BPNT1: variants seen among roughly 807,000 people sequenced by gnomAD.
BPNT1 encodes the protein 3'(2'),5'-bisphosphate nucleotidase 1.
In BPNT1, 28 loss-of-function variants were observed where a neutral mutation model predicts 36.9. That is an observed-to-expected ratio of 0.76 (90% CI 0.56 to 1.04). BPNT1 has a LOEUF of 1.04. Ranked by LOEUF, BPNT1 falls within the 50% of genes least tolerant of loss-of-function variation. The pLI, the probability that BPNT1 is intolerant of heterozygous loss-of-function variation, is 0.00. For missense variants in BPNT1, 313 were observed against 372.9 expected (o/e 0.84, Z 1.32); for synonymous variants, 119 against 130.9 (o/e 0.91, Z 0.62).
intron 1 of BPNT1, among the ~76,000 whole-genome samples, chr1:220,081,115 T>G (rs1439055081): frequency 1.3e-5 from 2 of 152,174 alleles, no homozygotes; most frequent in Non-Finnish European, 2.9e-5. Context: ...ATTTTTATTT[T>G]TAGTGGACAC....
rs1194244965 is a variant in BPNT1 at position 220,057,956 on chromosome 1, T to C, written c.*888A>G. 1.1e-6 allele frequency: 1 copy of C among 883,352 alleles called. No individual in the cohort carries two copies. Among genetic ancestry groups the C allele is most frequent in the Admixed American group, 3.0e-5 (1 of 33,136 alleles). 54.7% of individuals were successfully genotyped at this position (883,352 alleles called of 1,614,324 possible). A position where few individuals can be genotyped will look rare whatever the true frequency, so the allele number is the denominator to read the frequency against. On this transcript the variant is annotated 3_prime_UTR_variant, in exon 9 of 9. Transcript: ENST00000322067. ...ACTTTGGGAGTCCGAGGCAGACAGA[T>C]CACGATGTCAGGAGATCAAGACCAT... is the stretch of plus-strand genomic sequence containing the variant.
rs566087066 is a variant in BPNT1, at chr1:220,061,929, T to C, written c.672+828A>G. Reference sequence around the variant, plus strand: ...TGGGCAGGCAGGCCAGATCTTAGAGTCTGTAGAAGGGCTAGGAAATAATCT... The same window carrying C: ...TGGGCAGGCAGGCCAGATCTTAGAGCCTGTAGAAGGGCTAGGAAATAATCT... On this transcript the variant is annotated intron_variant, in intron 7 of 8. Transcript: ENST00000322067. Among the ~76,000 whole-genome samples the C allele has an allele frequency of 5.3e-5, 8 of 151,694 alleles. No homozygotes were observed. In the South Asian group the frequency reaches 1.5e-3, roughly 28 times the overall value.
rs537835005 is a variant in BPNT1 at position 220,064,221 on chromosome 1, G to A, written c.475-1267C>T. The stretch of plus-strand genomic sequence containing the variant: ...GATTGGCTCATCTGTCTTCAAAGAT[G>A]ATATTCTTAAACACTAAATTAGACT... On this transcript the variant is annotated intron_variant, in intron 6 of 8. Transcript: ENST00000322067. 5.9e-5 allele frequency among the ~76,000 whole-genome samples: 9 copies of A among 152,330 alleles called. No individual in the cohort carries two copies. In the East Asian group the frequency reaches 9.6e-4, roughly 16 times the overall value.
chr1:220,065,131 T>C (rs1000385622), intron 6 of BPNT1, among the ~76,000 whole-genome samples: 2 of 152,158 alleles, frequency 1.3e-5, no homozygotes, highest in Admixed American at 1.3e-4. Context: ...ATTAATGCAG[T>C]TCTCCAGTTA....
intron 1 of BPNT1, among the ~76,000 whole-genome samples, chr1:220,087,660 T>C (rs1291045930): frequency 6.6e-6 from 1 of 152,106 alleles, no homozygotes; most frequent in Non-Finnish European, 1.5e-5. Flanking sequence ...GAAAAAAATA[T>C]TGTATCACAT....
intron 2 of BPNT1, among the ~76,000 whole-genome samples, chr1:220,078,678 A>C (rs1048123710): frequency 6.6e-6 from 1 of 150,662 alleles, no homozygotes. Context: ...GCTCACTGCA[A>C]CCTCGCTCTC....
chr1:220,069,284 T>G, intron 5 of BPNT1, 100 bp downstream of exon 5: 1 of 907,386 alleles, frequency 1.1e-6, no homozygotes, highest in East Asian at 2.7e-5. Context: ...TAACACATGA[T>G]AGTAGCTTTC....
intron 3 of BPNT1, 85 bp downstream of exon 3, chr1:220,073,882 T>G: frequency 9.1e-7 from 1 of 1,101,028 alleles, no homozygotes. Context: ...AAAATCATAA[T>G]AGTGGTATAT....
At chr1:220,060,751 T>C (rs889849339) in intron 7 of BPNT1, among the ~76,000 whole-genome samples, 1 of 152,160 alleles carries the variant, frequency 6.6e-6, no homozygotes, top group Non-Finnish European at 1.5e-5. Flanking sequence ...CAGGAAGTCC[T>C]GAGAACATGT....
chr1:220,065,931 T>C (rs935634328), intron 6 of BPNT1: 5 of 486,876 alleles, frequency 1.0e-5, no homozygotes, highest in Non-Finnish European at 1.4e-5. Flanking sequence ...AGGGAAGTGG[T>C]ACAGAGAGAG....
Position 220,057,932 on chromosome 1 carries a change from C to A in BPNT1, c.*912G>T. On this transcript the variant is annotated 3_prime_UTR_variant, in exon 9 of 9. Transcript: ENST00000322067. ...GTGGCTCACACCTGTAATCCCAGCA[C>A]TTTGGGAGTCCGAGGCAGACAGATC... 8.9e-7 allele frequency: 1 copy of A among 1,122,858 alleles called. No individual in the cohort carries two copies. Among genetic ancestry groups the A allele is most frequent in the Non-Finnish European group, 1.2e-6 (1 of 833,286 alleles). 69.6% of individuals were successfully genotyped at this position (1,122,858 alleles called of 1,614,324 possible).
intron 6 of BPNT1, 149 bp downstream of exon 6, chr1:220,067,148 ATAAAT>A (rs910378790): frequency 1.2e-4 from 27 of 226,562 alleles, no homozygotes; most frequent in Non-Finnish European, 1.9e-4. Context: ...TTAAAAATAA[ATAAAT>A]AAATAAATAA....
chr1:220,059,866 A>G lies in BPNT1; in HGVS notation c.673-75T>C. 2.6e-6 allele frequency: 3 copies of G among 1,150,390 alleles called. No homozygotes were observed. In the East Asian group the frequency reaches 7.5e-5, roughly 29 times the overall value. The allele number at this position is 1,150,390 out of a possible 1,614,324, so 71.3% of individuals were successfully genotyped here. On this transcript the variant is annotated intron_variant, in intron 7 of 8. Coordinates refer to ENST00000322067, the MANE Select transcript of BPNT1 (RefSeq NM_006085.6). ...GAAAGTCATGAAAAGATTGAGGTAC[A>G]GATAAGAAAAACTGCTTGTTTCTAT...
At chr1:220,081,083 C>T (rs978320309) in intron 1 of BPNT1, among the ~76,000 whole-genome samples, 5 of 152,182 alleles carry the variant, frequency 3.3e-5, no homozygotes, top group African/African-American at 1.2e-4. Context: ...GGATTACAGG[C>T]GCCCACCACC....
intron 2 of BPNT1, among the ~76,000 whole-genome samples, chr1:220,079,224 G>T (rs1175312272): frequency 6.6e-6 from 1 of 151,930 alleles, no homozygotes. Flanking sequence ...TATAAATAAA[G>T]ATCTTGGACG....
intron 1 of BPNT1, among the ~76,000 whole-genome samples, chr1:220,080,631 T>C (rs955691492): frequency 4.6e-5 from 7 of 152,124 alleles, no homozygotes; most frequent in Admixed American, 1.3e-4. Context: ...TCATGAGAAC[T>C]TACTCACTAT....
At chr1:220,083,151 C>T (rs1655357715) in intron 1 of BPNT1, among the ~76,000 whole-genome samples, 2 of 150,160 alleles carry the variant, frequency 1.3e-5, no homozygotes, top group African/African-American at 2.4e-5. Flanking sequence ...GCAGGAGAAT[C>T]ACATGAACCC....
At chr1:220,085,604 C>T (rs989499087) in intron 1 of BPNT1, among the ~76,000 whole-genome samples, 3 of 152,186 alleles carry the variant, frequency 2.0e-5, no homozygotes, top group African/African-American at 7.2e-5. Context: ...GTCCTTATTT[C>T]GGTTATTTTG....
At chr1:220,078,418 T>C in intron 2 of BPNT1, among the ~76,000 whole-genome samples, 1 of 141,954 alleles carries the variant, frequency 7.0e-6, no homozygotes, top group African/African-American at 2.6e-5. Context: ...TAATTTATAA[T>C]AATAAATAAT....
Sources: allele counts gnomAD v4.1 joint callset (sites outside exome capture counted in the v4.1 genomes callset), GRCh38; gene constraint gnomAD v4.1.1; transcripts MANE v1.5; gene names NCBI Gene and HGNC (gene_info 2026-07-23, HGNC 2026-07-21).